Variants in POU2F2 observed in about 807,000 individuals in gnomAD.
The protein encoded by POU2F2 is POU domain, class 2, transcription factor 2.
Under a neutral mutation model 63.5 loss-of-function variants are expected in POU2F2, and 14 were observed. The ratio of observed to expected loss-of-function variants is 0.22; its 90% CI spans 0.15 to 0.34. The LOEUF (loss-of-function observed/expected upper bound fraction) is 0.34. POU2F2 is among the 10% of genes least tolerant of loss of function. The probability of loss-of-function intolerance (pLI) is 1.00; values close to 1 mark genes in which losing one functional copy is unlikely to be tolerated. For missense variants in POU2F2, 607 were observed against 815.2 expected (o/e 0.74, Z 3.11); for synonymous variants, 306 against 348.6 (o/e 0.88, Z 1.36).
chr19:42,181,614 C>G (rs2034961860), intron 1 of POU2F2, among the ~76,000 whole-genome samples: 1 of 145,174 alleles, frequency 6.9e-6, no homozygotes, highest in South Asian at 2.1e-4. Context: ...AGAGACAGAG[C>G]CTTGCTTTGT....
At position 42,117,410 on chromosome 19, in the gene POU2F2, T is replaced by C; in HGVS notation, c.209A>G (p.His70Arg). 1 of 1,387,186 alleles carries C rather than the reference T, an allele frequency of 7.2e-7. No individual in the cohort carries two copies. 85.9% of individuals were successfully genotyped at this position (1,387,186 alleles called of 1,614,324 possible). Residue 70 changes from histidine (H) to arginine (R), a missense_variant, in exon 5 of 15, where the codon CAC becomes CGC. His to Arg is a conservative substitution (Grantham distance 29). This residue lies in a region of POU2F2 where 224 missense variants were observed against 264.3 expected (regional missense o/e 0.85). Coordinates refer to ENST00000692977, the MANE Select transcript of POU2F2 (RefSeq NM_001394376.1). This position sits in a 1 kb window ranked among gnomAD's most constrained non-coding sequence, Gnocchi z 4.4. ...STKVGILSGL[H>R]LTFWGPGPCL... ...GGGTCCGGGACCCCAGAATGTTAAG[T>C]GGAGGCCAGAGAGAATGCCCACCTG...
intron 1 of POU2F2, among the ~76,000 whole-genome samples, chr19:42,128,827 C>T (rs1183242649): frequency 1.3e-5 from 2 of 151,952 alleles, no homozygotes; most frequent in African/African-American, 4.8e-5. Context: ...AAAGCCCCTC[C>T]AGGTGATTCT....
intron 5 of POU2F2, among the ~76,000 whole-genome samples, chr19:42,102,140 C>A (rs948681974): frequency 3.9e-5 from 6 of 152,120 alleles, no homozygotes; most frequent in African/African-American, 1.4e-4. Context: ...ATAGCCCAAG[C>A]GCGCACAACA....
rs1330574497 is a variant in POU2F2 at position 42,095,506 on chromosome 19, C to T, written c.1020+39G>A. On this transcript the variant is annotated intron_variant, in intron 10 of 14. Transcript: ENST00000692977. This position sits in a 1 kb window ranked among gnomAD's most constrained non-coding sequence, Gnocchi z 7.1. ...TTAGCCCGAGGCCCACCGCCCGCCACCCCTCAGGTGAGGGCCACCCAGGAG... is the reference window on the plus strand; with the variant it reads ...TTAGCCCGAGGCCCACCGCCCGCCATCCCTCAGGTGAGGGCCACCCAGGAG... 6.2e-7 allele frequency: 1 copy of T among 1,604,122 alleles called. No individual in the cohort carries two copies. Among genetic ancestry groups the T allele is most frequent in the Non-Finnish European group, 8.5e-7 (1 of 1,175,402 alleles).
chr19:42,154,182 G>A (rs1170481133), intron 2 of POU2F2, among the ~76,000 whole-genome samples: 1 of 150,990 alleles, frequency 6.6e-6, no homozygotes, highest in Non-Finnish European at 1.5e-5. Flanking sequence ...GTGGGTGTTA[G>A]AAACAGGAAA....
intron 11 of POU2F2, among the ~76,000 whole-genome samples, chr19:42,094,690 A>C (rs572836101): frequency 6.6e-6 from 1 of 152,230 alleles, no homozygotes; most frequent in Admixed American, 6.5e-5. Flanking sequence ...CTTAGTACAC[A>C]CTGGTCCAGG....
chr19:42,124,564 T>C (rs1375388657), intron 1 of POU2F2, among the ~76,000 whole-genome samples: 1 of 152,196 alleles, frequency 6.6e-6, no homozygotes, highest in East Asian at 1.9e-4. Context: ...CGTCCACTCC[T>C]GGGCATCTGC....
chr19:42,092,330 C>G lies in POU2F2; in HGVS notation c.1265-60G>C. 7.5e-7 allele frequency: 1 copy of G among 1,326,862 alleles called. No individual in the cohort carries two copies. Among genetic ancestry groups the G allele is most frequent in the Non-Finnish European group, 1.1e-6 (1 of 943,244 alleles). The allele number at this position is 1,326,862 out of a possible 1,614,324, so 82.2% of individuals were successfully genotyped here. A position where few individuals can be genotyped will look rare whatever the true frequency, so the allele number is the denominator to read the frequency against. ...CTTCCACTCGTCCCCCACTGAGGAA[C>G]CTGGGGTCAGCTCCTACTTGTCCTC... On this transcript the variant is annotated intron_variant, in intron 12 of 14. Coordinates refer to ENST00000692977, the MANE Select transcript of POU2F2 (RefSeq NM_001394376.1). The surrounding 1 kb of genome is among the most constrained non-coding windows in gnomAD (Gnocchi z 5.0).
rs951284589 is a variant in POU2F2 at position 42,096,799 on chromosome 19, G to A, written c.568-556C>T. ...TGTCAGCTATGAACTTTGGGTAATA[G>A]TGATGTGTCAATGTAGGTTCATCAC... is the stretch of plus-strand genomic sequence containing the variant. On this transcript the variant is annotated intron_variant, in intron 7 of 14. Coordinates refer to ENST00000692977, the MANE Select transcript of POU2F2 (RefSeq NM_001394376.1). This position sits in a 1 kb window ranked among gnomAD's most constrained non-coding sequence, Gnocchi z 4.1. Among the ~76,000 whole-genome samples the A allele has an allele frequency of 5.9e-5, 9 of 152,204 alleles. No homozygotes were observed. Among genetic ancestry groups the A allele is most frequent in the Admixed American group, 5.2e-4 (8 of 15,282 alleles).
intron 1 of POU2F2, among the ~76,000 whole-genome samples, chr19:42,127,542 C>G (rs952235230): frequency 2.0e-5 from 3 of 152,100 alleles, no homozygotes; most frequent in Non-Finnish European, 4.4e-5. Context: ...GCCACTACGA[C>G]TGGCTAATTT....
chr19:42,176,367 C>T (rs938929586), upstream of POU2F2, among the ~76,000 whole-genome samples: 2 of 151,912 alleles, frequency 1.3e-5, no homozygotes, highest in Non-Finnish European at 2.9e-5. Flanking sequence ...TTTTTTGGCC[C>T]GGGGGCAGCA....
intron 1 of POU2F2, among the ~76,000 whole-genome samples, chr19:42,128,698 G>C (rs576625327): frequency 6.6e-6 from 1 of 152,264 alleles, no homozygotes; most frequent in South Asian, 2.1e-4. Flanking sequence ...GCCTCAGCCT[G>C]AGCCCAGGCA....
chr19:42,131,741 C>G (rs1209663157), intron 1 of POU2F2, among the ~76,000 whole-genome samples: 1 of 152,128 alleles, frequency 6.6e-6, no homozygotes, highest in Non-Finnish European at 1.5e-5. Flanking sequence ...AAAGATAAAG[C>G]AGGGTGAGGG....
At position 42,097,234 on chromosome 19, in the gene POU2F2, G is replaced by C. The variant is rs1342551284; in HGVS notation, c.568-991C>G. On this transcript the variant is annotated intron_variant, in intron 7 of 14. Transcript: ENST00000692977. ...TTTTTTGAGATGGAGTTTCACCCTT[G>C]TTGCCTAGGCTGGAATGCAATGGTG... 4.8e-5 allele frequency among the ~76,000 whole-genome samples: 5 copies of C among 103,960 alleles called. No individual in the cohort carries two copies. The Admixed American group carries it at 6.7e-4, about 14-fold the overall frequency. 68.2% of individuals were successfully genotyped at this position (103,960 alleles called of 152,430 possible).
At chr19:42,158,323 G>T (rs2034494240) in intron 2 of POU2F2, among the ~76,000 whole-genome samples, 1 of 152,182 alleles carries the variant, frequency 6.6e-6, no homozygotes, top group South Asian at 2.1e-4. Context: ...ACTTCAGGTG[G>T]TCTCCGAAAT....
At chr19:42,159,075 C>T (rs1344881400) in intron 2 of POU2F2, among the ~76,000 whole-genome samples, 1 of 152,188 alleles carries the variant, frequency 6.6e-6, no homozygotes, top group East Asian at 1.9e-4. Context: ...GGGAGAAGCT[C>T]TATACTGTTG....
At chr19:42,132,272 G>C in intron 1 of POU2F2, 112 bp downstream of exon 1, 1 of 1,260,862 alleles carries the variant, frequency 7.9e-7, no homozygotes, top group Non-Finnish European at 1.1e-6. Context: ...CTAGAGTACA[G>C]AGGAGAAGGA....
Position 42,095,160 on chromosome 19 carries a change from C to A in POU2F2, c.1197+126G>T. 1 of 1,229,968 alleles carries A rather than the reference C, an allele frequency of 8.1e-7. No homozygotes were observed. Among genetic ancestry groups the A allele is most frequent in the Non-Finnish European group, 1.1e-6 (1 of 909,570 alleles). 76.2% of individuals were successfully genotyped at this position (1,229,968 alleles called of 1,614,324 possible). A position where few individuals can be genotyped will look rare whatever the true frequency, so the allele number is the denominator to read the frequency against. The stretch of plus-strand genomic sequence containing the variant: ...GTAACTGTGCCCATCTACGTGATGG[C>A]CTGTCTCCAAGAGTGACTCTTCTTG... On this transcript the variant is annotated intron_variant, in intron 11 of 14. Coordinates refer to ENST00000692977, the MANE Select transcript of POU2F2 (RefSeq NM_001394376.1). This position sits in a 1 kb window ranked among gnomAD's most constrained non-coding sequence, Gnocchi z 7.1.
intron 1 of POU2F2, among the ~76,000 whole-genome samples, chr19:42,182,583 C>T (rs1212688505): frequency 6.6e-6 from 1 of 152,024 alleles, no homozygotes; most frequent in Non-Finnish European, 1.5e-5. Flanking sequence ...TAGAGGTTGC[C>T]CCAGTGGCCT....
Sources: allele counts gnomAD v4.1 joint callset (sites outside exome capture counted in the v4.1 genomes callset), GRCh38; gene constraint gnomAD v4.1.1; regional missense constraint gnomAD v4.1.1; non-coding constraint Gnocchi (gnomAD v3.1); transcripts MANE v1.5; gene names NCBI Gene and HGNC (gene_info 2026-07-23, HGNC 2026-07-21).